The following TPO variants were observed in gnomAD, a reference collection of about 807,000 sequenced individuals.
TPO encodes the protein thyroid peroxidase.
Under a neutral mutation model 96.9 loss-of-function variants are expected in TPO, and 78 were observed. The ratio of observed to expected loss-of-function variants is 0.81; its 90% CI spans 0.67 to 0.97. The LOEUF (loss-of-function observed/expected upper bound fraction) is 0.97. TPO is among the 50% of genes least tolerant of loss of function. The pLI, the probability that TPO is intolerant of heterozygous loss-of-function variation, is 0.00. For missense variants in TPO, 1,252 were observed against 1,274.8 expected, an observed-to-expected ratio of 0.98 and a Z score of 0.27; for synonymous variants, 547 against 538.0, an observed-to-expected ratio of 1.02 and a Z score of -0.23.
chr2:1,462,541 C>G (rs4927617), intron 7 of TPO, among the ~76,000 whole-genome samples: 36 of 147,904 alleles, frequency 2.4e-4, no homozygotes, highest in East Asian at 6.0e-4. Context: ...CACACACACA[C>G]AGATATCAAT....
intron 9 of TPO, among the ~76,000 whole-genome samples, chr2:1,487,494 G>T (rs541824318): frequency 6.6e-6 from 1 of 152,208 alleles, no homozygotes; most frequent in Non-Finnish European, 1.5e-5. Flanking sequence ...CAGCACTTTG[G>T]GAGGCCGAGG....
At chr2:1,470,347 G>T (rs1669277995) in intron 7 of TPO, among the ~76,000 whole-genome samples, 1 of 152,014 alleles carries the variant, frequency 6.6e-6, no homozygotes, top group Non-Finnish European at 1.5e-5. Context: ...AGGTTTCAAA[G>T]GCGAAAAAGG....
At chr2:1,472,644 G>T (rs1669530548) in intron 7 of TPO, among the ~76,000 whole-genome samples, 1 of 152,018 alleles carries the variant, frequency 6.6e-6, no homozygotes, top group Non-Finnish European at 1.5e-5. Context: ...CTCTGCCACA[G>T]CGTGGATCAC....
At chr2:1,461,910 G>A (rs538539003) in intron 7 of TPO, among the ~76,000 whole-genome samples, 5 of 152,274 alleles carry the variant, frequency 3.3e-5, no homozygotes, top group South Asian at 2.1e-4. Context: ...GGAGACCCCC[G>A]CAGAGGTTCC....
chr2:1,410,686 G>A (rs1430354142), upstream of TPO, among the ~76,000 whole-genome samples: 3 of 112,930 alleles, frequency 2.7e-5, no homozygotes, highest in Admixed American at 8.5e-5. Flanking sequence ...GGACTGGACC[G>A]CAGGGCTGGT....
intron 14 of TPO, 87 bp from the exon 15 acceptor site, chr2:1,516,796 C>A: frequency 8.0e-7 from 1 of 1,247,392 alleles, no homozygotes; most frequent in Non-Finnish European, 1.2e-6. Flanking sequence ...TGGCCCAGGA[C>A]AGGGTATGGC....
At chr2:1,453,529 C>T (rs1667504158) in intron 5 of TPO, among the ~76,000 whole-genome samples, 165 bp from the exon 6 acceptor site, 2 of 152,178 alleles carry the variant, frequency 1.3e-5, no homozygotes, top group Non-Finnish European at 2.9e-5. Context: ...CCAGTCATGA[C>T]CTGGGCCTCC....
chr2:1,531,222 G>GCCTCATATTC (rs1678131658), intron 15 of TPO, among the ~76,000 whole-genome samples: 1 of 58,660 alleles, frequency 1.7e-5, no homozygotes, highest in African/African-American at 7.5e-5. Context: ...ACCCCAAATC[G>GCCTCATATTC]CCCCCACTGT....
chr2:1,527,352 A>C, intron 15 of TPO, among the ~76,000 whole-genome samples: 1 of 87,140 alleles, frequency 1.1e-5, no homozygotes, highest in East Asian at 4.4e-4. Context: ...CCCCGTGAGC[A>C]ACCTCCCCAA....
intron 15 of TPO, among the ~76,000 whole-genome samples, chr2:1,527,478 T>G (rs1676863350): frequency 7.5e-6 from 1 of 132,614 alleles, no homozygotes; most frequent in South Asian, 2.6e-4. Context: ...CCTCCTCAAA[T>G]CCCCCCATCT....
At chr2:1,375,757 G>A (rs1038347451) in intron 1 of TPO, among the ~76,000 whole-genome samples, 2 of 152,092 alleles carry the variant, frequency 1.3e-5, no homozygotes, top group Non-Finnish European at 2.9e-5. Flanking sequence ...CATGTCCTGA[G>A]CACCCTCATT....
At chr2:1,500,298 CTT>C (rs397732736) in intron 13 of TPO, among the ~76,000 whole-genome samples, 1 of 152,012 alleles carries the variant, frequency 6.6e-6, no homozygotes, top group Non-Finnish European at 1.5e-5. Flanking sequence ...CAATACAACT[CTT>C]TTTTTTGTTT....
chr2:1,490,744 C>G (rs1213163446), intron 10 of TPO, among the ~76,000 whole-genome samples: 1 of 152,188 alleles, frequency 6.6e-6, no homozygotes, highest in Admixed American at 6.5e-5. Flanking sequence ...CTGATCAGTT[C>G]GATCTGAGGA....
chr2:1,429,905 G>A (rs1036623522), intron 3 of TPO, among the ~76,000 whole-genome samples: 1 of 152,212 alleles, frequency 6.6e-6, no homozygotes, highest in African/African-American at 2.4e-5. Context: ...ATTTAAAAGG[G>A]AAGCAGAGCA....
chr2:1,521,491 A>C (rs1297289577), intron 15 of TPO, among the ~76,000 whole-genome samples: 1 of 151,622 alleles, frequency 6.6e-6, no homozygotes. Context: ...CTCCCCAGGG[A>C]CCCTCCTCCC....
At position 1,415,377 on chromosome 2, in the gene TPO, G is replaced by A. The variant is rs190398103; in HGVS notation, c.94+875G>A. On this transcript the variant is annotated intron_variant, in intron 2 of 16. Coordinates refer to ENST00000329066, the MANE Select transcript of TPO (RefSeq NM_001206744.2). ...GACACTTCGCCGGGCAGGTCCCTGG[G>A]CCTCTGGACACAGTCTCGGGGCCCC... Among the ~76,000 whole-genome samples the A allele has an allele frequency of 5.1e-3, 730 of 142,304 alleles. 2 individuals carry two copies. The highest frequency in any genetic ancestry group is 0.019 in the African/African-American group (696 of 37,550). The allele number at this position is 142,304 out of a possible 152,430, so 93.4% of individuals were successfully genotyped here. A position where few individuals can be genotyped will look rare whatever the true frequency, so the allele number is the denominator to read the frequency against.
In TPO at chr2:1,542,461, C is replaced by G. The variant is rs924720161; in HGVS notation, c.2789C>G (p.Pro930Arg). Reference protein sequence around the residue: ...GMEGRDTHRLPRAL With the variant: ...GMEGRDTHRLRRAL The stretch of plus-strand genomic sequence containing the variant: ...GAAGGCCGGGATACTCACAGGCTGC[C>G]GAGAGCCCTCTGAGGGCAAAGTGGC... Residue 930 changes from proline to arginine, a missense_variant, in exon 17 of 17, where the codon CCG becomes CGG. By Grantham distance (103) the Pro-to-Arg change is moderately radical (BLOSUM62 -2). Coordinates refer to ENST00000329066, the MANE Select transcript of TPO (RefSeq NM_001206744.2). 6.2e-7 allele frequency: 1 copy of G among 1,614,172 alleles called. No individual in the cohort carries two copies. Among genetic ancestry groups the G allele is most frequent in the South Asian group, 1.1e-5 (1 of 91,074 alleles).
intron 15 of TPO, among the ~76,000 whole-genome samples, chr2:1,532,951 C>T (rs1164326613): frequency 5.9e-5 from 7 of 119,056 alleles, no homozygotes; most frequent in Non-Finnish European, 1.0e-4. Context: ...GCAACCTCCT[C>T]AAATCCCCCC....
At position 1,517,037 on chromosome 2, in the gene TPO, T is replaced by G. The variant is rs897084958; in HGVS notation, c.2618+55T>G. The G allele has an allele frequency of 2.4e-5, 37 of 1,564,980 alleles. No individual in the cohort carries two copies. The African/African-American group carries it at 4.3e-4, about 18-fold the overall frequency. ...AGACACAAAGCAATCTCCTTTCCTC[T>G]GGACATGGCTGCAATGAAGCTGCTT... On this transcript the variant is annotated intron_variant, in intron 15 of 16. Coordinates refer to ENST00000329066, the MANE Select transcript of TPO (RefSeq NM_001206744.2).
Sources: gnomAD v4.1 joint callset for allele counts (sites outside exome capture counted in the v4.1 genomes callset) on GRCh38, gnomAD v4.1.1 for gene constraint, MANE v1.5 for transcripts, NCBI Gene and HGNC (gene_info 2026-07-23, HGNC 2026-07-21) for gene names.